The following DSTYK variants were observed in gnomAD, a reference collection of about 807,000 sequenced individuals.
DSTYK encodes RIP-homologous kinase.
DSTYK carries 34 observed loss-of-function variants against 98.7 expected under a neutral mutation model. The observed-to-expected ratio is 0.34, with a 90% CI of 0.26 to 0.46. DSTYK has a LOEUF of 0.46. DSTYK is among the 20% of genes least tolerant of loss of function. DSTYK has a pLI of 1.00. For synonymous variants in DSTYK, 462 were observed against 457.3 expected (o/e 1.01, Z -0.13); for missense variants, 962 against 1,181.7 (o/e 0.81, Z 2.73).
At position 205,160,202 on chromosome 1, in the gene DSTYK, C is replaced by T; in HGVS notation, c.2017G>A (p.Gly673Arg). Residue 673 changes from glycine to arginine, a missense_variant, in exon 8 of 13, where the codon GGA becomes AGA. Gly to Arg is a moderately radical substitution (Grantham distance 125). This residue lies in a region of DSTYK where 660 missense variants were observed against 855.0 expected (regional missense o/e 0.77). Coordinates refer to ENST00000367162, the MANE Select transcript of DSTYK (RefSeq NM_015375.3). Reference sequence around the variant, plus strand: ...TTGAGGGCACAAGGGAAGTGTCCTCCCCAGTTGTCACACAGGTATACCACA... The same window carrying T: ...TTGAGGGCACAAGGGAAGTGTCCTCTCCAGTTGTCACACAGGTATACCACA... ...YGVVYLCDNW[G>R]GHFPCALKSV... 1 of 1,614,130 alleles carries T rather than the reference C, an allele frequency of 6.2e-7. No individual in the cohort carries two copies. The highest frequency in any genetic ancestry group is 8.5e-7 in the Non-Finnish European group (1 of 1,179,984).
At chr1:205,163,320 A>T (rs1171124970) in intron 4 of DSTYK, among the ~76,000 whole-genome samples, 1 of 151,934 alleles carries the variant, frequency 6.6e-6, no homozygotes, top group Non-Finnish European at 1.5e-5. Context: ...CCCAGGTTCA[A>T]GCGATTCTCC....
Position 205,211,469 on chromosome 1 carries a change from T to TTCC in DSTYK, c.64_66dup (p.Gly22dup), listed in dbSNP as rs756955751. On this transcript the variant is annotated inframe_insertion, in exon 1 of 13. Transcript: ENST00000367162. The stretch of plus-strand genomic sequence containing the variant: ...AAGCCCCGGCACAGCTCGCGGATCA[T>TTCC]TCCGCCGCCGCCGGGGCCGGGACCC... 1.3e-6 allele frequency: 2 copies of TTCC among 1,589,852 alleles called. No individual in the cohort carries two copies. Among genetic ancestry groups the TTCC allele is most frequent in the Non-Finnish European group, 1.7e-6 (2 of 1,172,022 alleles).
chr1:205,152,280 C>T (rs1200401318), intron 10 of DSTYK, among the ~76,000 whole-genome samples: 2 of 152,176 alleles, frequency 1.3e-5, no homozygotes, highest in African/African-American at 2.4e-5. Context: ...CGGGTTCAAG[C>T]GATTCTCCTG....
chr1:205,167,524 G>T (rs1015203127), intron 3 of DSTYK, among the ~76,000 whole-genome samples: 1 of 152,230 alleles, frequency 6.6e-6, no homozygotes, highest in Non-Finnish European at 1.5e-5. Context: ...CCAGGTTTAA[G>T]GCAGGGTGTT....
intron 1 of DSTYK, among the ~76,000 whole-genome samples, chr1:205,207,368 C>T (rs777746185): frequency 6.6e-6 from 1 of 151,684 alleles, no homozygotes; most frequent in East Asian, 2.0e-4. Flanking sequence ...CGTGAGCCGC[C>T]GCACCCGGCC....
In DSTYK at chr1:205,142,553, C is replaced by G. The variant is rs780551233; in HGVS notation, c.*5005G>C. On this transcript the variant is annotated 3_prime_UTR_variant, in exon 13 of 13. Transcript: ENST00000367162. ...TACAGCACATCTGGTATTTGTGTATCCCAACAAGTATACAGAATACTCTAT... is the reference window on the plus strand; with the variant it reads ...TACAGCACATCTGGTATTTGTGTATGCCAACAAGTATACAGAATACTCTAT... The G allele has an allele frequency of 6.6e-6, 1 of 152,178 alleles. No individual in the cohort carries two copies. The highest frequency in any genetic ancestry group is 1.5e-5 in the Non-Finnish European group (1 of 68,026). 9.4% of individuals were successfully genotyped at this position (152,178 alleles called of 1,614,324 possible).
intron 2 of DSTYK, among the ~76,000 whole-genome samples, chr1:205,182,997 T>C (rs908685381): frequency 6.6e-6 from 1 of 150,458 alleles, no homozygotes; most frequent in Non-Finnish European, 1.5e-5. Flanking sequence ...GCTGCAGGAA[T>C]CCCATCTTAC....
chr1:205,185,130 G>A (rs1343814529), intron 2 of DSTYK, among the ~76,000 whole-genome samples: 1 of 152,114 alleles, frequency 6.6e-6, no homozygotes, highest in African/African-American at 2.4e-5. Context: ...GAATCTGGAA[G>A]GCGGAGGTTG....
chr1:205,169,123 C>T lies in DSTYK; in HGVS notation c.1324+40G>A, dbSNP rs185609406. 2.0e-6 allele frequency: 3 copies of T among 1,501,296 alleles called. No homozygotes were observed. Among genetic ancestry groups the T allele is most frequent in the African/African-American group, 1.4e-5 (1 of 71,698 alleles). 93.0% of individuals were successfully genotyped at this position (1,501,296 alleles called of 1,614,324 possible). A position where few individuals can be genotyped will look rare whatever the true frequency, so the allele number is the denominator to read the frequency against. On this transcript the variant is annotated intron_variant, in intron 3 of 12. Transcript: ENST00000367162. This position sits in a 1 kb window ranked among gnomAD's most constrained non-coding sequence, Gnocchi z 4.0. ...TCCGGCTAGAAAATGGTTAGAGACTCCTCCCGTGCCAGCACCCCAACAAGC... is the reference window on the plus strand; with the variant it reads ...TCCGGCTAGAAAATGGTTAGAGACTTCTCCCGTGCCAGCACCCCAACAAGC...
At chr1:205,189,161 A>C (rs75262084) in intron 1 of DSTYK, among the ~76,000 whole-genome samples, 2 of 150,292 alleles carry the variant, frequency 1.3e-5, no homozygotes, top group Non-Finnish European at 3.0e-5. Flanking sequence ...ACAAAAAAAA[A>C]CAAAAAAAAC....
At chr1:205,186,851 G>A (rs553471771) in intron 2 of DSTYK, among the ~76,000 whole-genome samples, 31 of 152,168 alleles carry the variant, frequency 2.0e-4, no homozygotes, top group Admixed American at 5.2e-4. Context: ...GGATCTCCGC[G>A]TCTCCTTACA....
intron 1 of DSTYK, 25 bp downstream of exon 1, chr1:205,211,246 T>C: frequency 6.3e-7 from 1 of 1,579,454 alleles, no homozygotes; most frequent in Non-Finnish European, 8.6e-7. Context: ...TCCTGCCCTC[T>C]CTCCCTCCGG....
At chr1:205,182,806 C>T (rs1476363629) in intron 2 of DSTYK, among the ~76,000 whole-genome samples, 1 of 107,412 alleles carries the variant, frequency 9.3e-6, no homozygotes, top group East Asian at 2.7e-4. Context: ...GACTCCGTCT[C>T]AAAAAAAAAA....
Position 205,209,893 on chromosome 1 carries a change from CTATTAT to C in DSTYK, c.265+1372_265+1377del, listed in dbSNP as rs372431377. Among the ~76,000 whole-genome samples the C allele has an allele frequency of 7.3e-3, 1,098 of 150,164 alleles. 6 individuals are homozygous for C. Among genetic ancestry groups the C allele is most frequent in the Non-Finnish European group, 0.01 (704 of 67,646 alleles). On this transcript the variant is annotated intron_variant, in intron 1 of 12. Transcript: ENST00000367162. The stretch of plus-strand genomic sequence containing the variant: ...CCTTCCCCAGTGTCTTTTATTATTA[CTATTAT>C]TATTATTATTATTATTATTGAGACA...
intron 8 of DSTYK, 28 bp from the exon 9 acceptor site, chr1:205,159,707 ACAAGG>A (rs1360630640): frequency 6.2e-7 from 1 of 1,612,006 alleles, no homozygotes; most frequent in Non-Finnish European, 8.5e-7. Context: ...GATCTGGGCT[ACAAGG>A]CTTGGGCTCT....
intron 1 of DSTYK, among the ~76,000 whole-genome samples, chr1:205,191,045 T>A (rs533349980): frequency 2.0e-5 from 3 of 152,252 alleles, no homozygotes; most frequent in Non-Finnish European, 2.9e-5. Flanking sequence ...ACCCCATTAT[T>A]CATCTGACCC....
In DSTYK at chr1:205,143,140, TTTTC is replaced by T. The variant is rs1419031298; in HGVS notation, c.*4414_*4417del. ...TCCATAACTGAAGGATTAACCTTCTTTTTCTTTTTCTTTTTTTTTTTTTTGAGAT... is the reference window on the plus strand; with the variant it reads ...TCCATAACTGAAGGATTAACCTTCTTTTTTTCTTTTTTTTTTTTTTGAGAT... On this transcript the variant is annotated 3_prime_UTR_variant, in exon 13 of 13. Transcript: ENST00000367162. The T allele has an allele frequency of 6.6e-6, 1 of 151,824 alleles. No homozygotes were observed. Among genetic ancestry groups the T allele is most frequent in the Non-Finnish European group, 1.5e-5 (1 of 68,032 alleles). 9.4% of individuals were successfully genotyped at this position (151,824 alleles called of 1,614,324 possible).
In DSTYK at chr1:205,163,964, G is replaced by T; in HGVS notation, c.1325-9C>A. ...CTCAGGGACAATGACGTCTATGGAG[G>T]CAGAGAAATAAGCTGAATAGTTGTG... On this transcript the variant is annotated splice_polypyrimidine_tract_variant and intron_variant, in intron 3 of 12. Transcript: ENST00000367162. 2 of 1,611,284 alleles carry T rather than the reference G, an allele frequency of 1.2e-6. No homozygotes were observed. The highest frequency in any genetic ancestry group is 1.7e-6 in the Non-Finnish European group (2 of 1,177,504).
At chr1:205,173,730 T>C (rs996490545) in intron 2 of DSTYK, among the ~76,000 whole-genome samples, 10 of 152,252 alleles carry the variant, frequency 6.6e-5, no homozygotes, top group Admixed American at 5.2e-4. Flanking sequence ...GTTGTTTTTT[T>C]TTTTTTGAGA....
Sources: allele counts gnomAD v4.1 joint callset (sites outside exome capture counted in the v4.1 genomes callset), GRCh38; gene constraint gnomAD v4.1.1; regional missense constraint gnomAD v4.1.1; non-coding constraint Gnocchi (gnomAD v3.1); transcripts MANE v1.5; gene names NCBI Gene and HGNC (gene_info 2026-07-23, HGNC 2026-07-21).